The following KAZN variants were observed in gnomAD, a reference collection of about 807,000 sequenced individuals.
The protein encoded by KAZN is kazrin.
KAZN carries 40 observed loss-of-function variants against 87.4 expected under a neutral mutation model. The ratio of observed to expected loss-of-function variants is 0.46; its 90% CI spans 0.36 to 0.60. KAZN has a LOEUF of 0.60. KAZN is among the 20% of genes least tolerant of loss of function. The pLI is 0.00. For missense variants in KAZN, 898 were observed against 1,073.9 expected, an observed-to-expected ratio of 0.84 and a Z score of 2.29; for synonymous variants, 466 against 458.3, an observed-to-expected ratio of 1.02 and a Z score of -0.22.
chr1:14,318,410 G>A (rs1192800931), intron 2 of KAZN, among the ~76,000 whole-genome samples: 1 of 152,008 alleles, frequency 6.6e-6, no homozygotes, highest in African/African-American at 2.4e-5. Context: ...TTGACAAGGA[G>A]ATTCTTGTCA....
Position 14,669,783 on chromosome 1 carries a change from G to A in KAZN, c.226+70560G>A, listed in dbSNP as rs116031195. On this transcript the variant is annotated intron_variant, in intron 1 of 14. Transcript: ENST00000376030. ...CAAACAAAAAACAAATAATAAAACC[G>A]AGGCCCTGTGAACCTCGTCTCCAAT... 5.4e-3 allele frequency among the ~76,000 whole-genome samples: 823 copies of A among 152,148 alleles called. 5 individuals are homozygous for A. Among genetic ancestry groups the A allele is most frequent in the African/African-American group, 0.019 (795 of 41,516 alleles).
chr1:14,267,138 G>C (rs1651545210), intron 2 of KAZN, among the ~76,000 whole-genome samples: 1 of 145,372 alleles, frequency 6.9e-6, no homozygotes, highest in Non-Finnish European at 1.5e-5. Context: ...ACAACATTGA[G>C]GATCTGCTAT....
At chr1:14,987,021 G>A (rs1471607126) in intron 2 of KAZN, among the ~76,000 whole-genome samples, 1 of 152,174 alleles carries the variant, frequency 6.6e-6, no homozygotes, top group African/African-American at 2.4e-5. Context: ...TGAGGGTATC[G>A]AGTCCTGGTG....
intron 2 of KAZN, among the ~76,000 whole-genome samples, chr1:14,265,104 A>G (rs75318850): frequency 0.041 from 6,305 of 152,314 alleles, 155 homozygotes; most frequent in Middle Eastern, 0.075. Flanking sequence ...ATTTTCCATA[A>G]CTAGCACAAA....
In KAZN at chr1:14,674,572, C is replaced by T. The variant is rs541570993; in HGVS notation, c.226+75349C>T. 2.3e-4 allele frequency among the ~76,000 whole-genome samples: 35 copies of T among 152,304 alleles called. 1 individual carries two copies. In the South Asian group the frequency reaches 5.2e-3, roughly 23 times the overall value. ...CCCTAGACCTTGCCACTCACCAGGA[C>T]GAGTTAGGCACTTCTAAGCTTAAGC... is the stretch of plus-strand genomic sequence containing the variant. On this transcript the variant is annotated intron_variant, in intron 1 of 14. Transcript: ENST00000376030.
chr1:13,941,209 A>C (rs866778714), intron 1 of KAZN, among the ~76,000 whole-genome samples: 4 of 151,020 alleles, frequency 2.6e-5, no homozygotes, highest in Admixed American at 1.3e-4. Flanking sequence ...CAACAACAAC[A>C]AAAAAAAAAC....
At chr1:14,453,243 C>G (rs1367378613) in intron 2 of KAZN, among the ~76,000 whole-genome samples, 1 of 152,122 alleles carries the variant, frequency 6.6e-6, no homozygotes, top group Non-Finnish European at 1.5e-5. Flanking sequence ...GCGTGAGCCA[C>G]CGTGCCTGGC....
At position 14,062,147 on chromosome 1, in the gene KAZN, TAAG is replaced by T. The variant is rs1246271504; in HGVS notation, c.92-118283_92-118281del. On this transcript the variant is annotated intron_variant, in intron 1 of 16. Transcript: ENST00000636203. ...ACCAGGACACTTAGCCACCAAATAA[TAAG>T]AAGATGTGCGGCTAACTACTTCAGG... Among the ~76,000 whole-genome samples the T allele has an allele frequency of 5.3e-5, 8 of 152,100 alleles. No individual in the cohort carries two copies. The South Asian group carries it at 6.2e-4, about 12-fold the overall frequency.
In KAZN at chr1:14,172,165, G is replaced by T. The variant is rs532587467; in HGVS notation, c.92-8270G>T. On this transcript the variant is annotated intron_variant, in intron 1 of 16. Transcript: ENST00000636203. Reference sequence around the variant, plus strand: ...TCAAAACAACCAACCAAATAAACTGGTTTTTATGACTCAATTTCCTAAACT... The same window carrying T: ...TCAAAACAACCAACCAAATAAACTGTTTTTTATGACTCAATTTCCTAAACT... Among the ~76,000 whole-genome samples, 48 of 152,232 alleles carry T rather than the reference G, an allele frequency of 3.2e-4. 1 individual carries two copies. The highest frequency in any genetic ancestry group is 6.8e-3 in the Middle Eastern group (2 of 294).
intron 1 of KAZN, among the ~76,000 whole-genome samples, chr1:14,815,438 T>C (rs1224744851): frequency 1.3e-5 from 2 of 152,118 alleles, no homozygotes; most frequent in African/African-American, 4.8e-5. Flanking sequence ...ATGTTCTTGA[T>C]AATAACGTTA....
chr1:14,360,198 A>G (rs1659386647), intron 2 of KAZN, among the ~76,000 whole-genome samples: 1 of 151,966 alleles, frequency 6.6e-6, no homozygotes, highest in Non-Finnish European at 1.5e-5. Context: ...TTTATTTTCA[A>G]TCTCTGATAT....
chr1:14,466,311 G>A (rs1192348672), intron 2 of KAZN, among the ~76,000 whole-genome samples: 1 of 147,348 alleles, frequency 6.8e-6, no homozygotes, highest in African/African-American at 2.5e-5. Flanking sequence ...ATAAGGAATT[G>A]AACTTCAAGT....
chr1:14,159,771 T>C (rs1203420238), intron 1 of KAZN, among the ~76,000 whole-genome samples: 1 of 152,218 alleles, frequency 6.6e-6, no homozygotes, highest in Non-Finnish European at 1.5e-5. Context: ...GATGTAGTAC[T>C]TGAGTATCAC....
chr1:14,015,171 A>C (rs1478469281), intron 1 of KAZN, among the ~76,000 whole-genome samples: 1 of 152,198 alleles, frequency 6.6e-6, no homozygotes, highest in Non-Finnish European at 1.5e-5. Flanking sequence ...TATGATAATT[A>C]TATTTTCCTA....
intron 2 of KAZN, among the ~76,000 whole-genome samples, chr1:14,296,785 G>A (rs1186230357): frequency 1.3e-5 from 2 of 151,858 alleles, no homozygotes; most frequent in African/African-American, 4.8e-5. Context: ...ACAGGCACAC[G>A]CCATCATGCC....
chr1:14,582,960 C>G (rs1314383105), intron 2 of KAZN, among the ~76,000 whole-genome samples: 1 of 152,168 alleles, frequency 6.6e-6, no homozygotes, highest in African/African-American at 2.4e-5. Context: ...CTCCTCCATC[C>G]CTGCAGCCCC....
At chr1:14,286,178 G>A (rs1323543075) in intron 2 of KAZN, among the ~76,000 whole-genome samples, 1 of 152,158 alleles carries the variant, frequency 6.6e-6, no homozygotes, top group Non-Finnish European at 1.5e-5. Flanking sequence ...CAAGGCATTG[G>A]TAGGGTTGGT....
chr1:14,249,049 C>T (rs1204638237), intron 2 of KAZN, among the ~76,000 whole-genome samples: 1 of 152,182 alleles, frequency 6.6e-6, no homozygotes, highest in Admixed American at 6.5e-5. Context: ...TAAAGAGACT[C>T]TCCATTATTT....
At chr1:14,433,012 G>GCACA (rs371544308) in intron 2 of KAZN, among the ~76,000 whole-genome samples, 2 of 151,310 alleles carry the variant, frequency 1.3e-5, no homozygotes, top group Admixed American at 6.6e-5. Context: ...AGGTGGTTGT[G>GCACA]CACACACACA....
Sources: allele counts gnomAD v4.1 joint callset (sites outside exome capture counted in the v4.1 genomes callset), GRCh38; gene constraint gnomAD v4.1.1; transcripts MANE v1.5; gene names NCBI Gene and HGNC (gene_info 2026-07-23, HGNC 2026-07-21).